Variants in IL1RAP observed in about 807,000 individuals in gnomAD.
IL1RAP encodes interleukin 1 receptor accessory protein, also known as interleukin-1 receptor accessory protein.
Under a neutral mutation model 60.7 loss-of-function variants are expected in IL1RAP, and 35 were observed. The ratio of observed to expected loss-of-function variants is 0.58; its 90% confidence interval spans 0.44 to 0.76. The LOEUF (loss-of-function observed/expected upper bound fraction) is 0.76. Among genes scored for constraint, IL1RAP ranks in the 30% least tolerant of loss-of-function variants. IL1RAP has a pLI of 0.00. For missense variants in IL1RAP, 572 were observed against 693.9 expected (o/e 0.82, Z 1.97); for synonymous variants, 268 against 250.9 (o/e 1.07, Z -0.64).
chr3:190,521,075 G>C lies in IL1RAP; in HGVS notation c.-89+6856G>C, dbSNP rs142409001. ...ACCCATCTTGTCAGGCCTTTGGTAA[G>C]TGTCAATCATATGCCATGACATTTG... On this transcript the variant is annotated intron_variant, in intron 1 of 11. Coordinates refer to ENST00000447382, the MANE Select transcript of IL1RAP (RefSeq NM_002182.4). Among the ~76,000 whole-genome samples the C allele has an allele frequency of 7.7e-3, 1,175 of 152,252 alleles. 12 individuals are homozygous for C. The highest frequency in any genetic ancestry group is 0.027 in the African/African-American group (1,120 of 41,544).
At chr3:190,585,230 C>T (rs557616812) in intron 3 of IL1RAP, among the ~76,000 whole-genome samples, 8 of 152,156 alleles carry the variant, frequency 5.3e-5, no homozygotes, top group Admixed American at 6.5e-5. Context: ...AAAAAGGGGC[C>T]GTGCCAGGCA....
chr3:190,586,577 A>G (rs1027338028), intron 3 of IL1RAP, among the ~76,000 whole-genome samples: 1 of 152,194 alleles, frequency 6.6e-6, no homozygotes, highest in African/African-American at 2.4e-5. Flanking sequence ...ACCTGACTCT[A>G]ATTGTCTACC....
chr3:190,610,695 C>G (rs1001866883), intron 5 of IL1RAP, among the ~76,000 whole-genome samples: 1 of 152,002 alleles, frequency 6.6e-6, no homozygotes, highest in African/African-American at 2.4e-5. Context: ...CAAAAACATG[C>G]AGCAAAATTT....
chr3:190,584,385 G>A (rs1232372331), intron 3 of IL1RAP, among the ~76,000 whole-genome samples: 2 of 152,182 alleles, frequency 1.3e-5, no homozygotes, highest in African/African-American at 4.8e-5. Flanking sequence ...GACTGATATT[G>A]CTAGGTCATA....
In IL1RAP at chr3:190,649,866, G is replaced by C. The variant is rs1734287864; in HGVS notation, c.*1161G>C. The C allele has an allele frequency of 2.4e-5, 24 of 985,162 alleles. No homozygotes were observed. The highest frequency in any genetic ancestry group is 2.9e-5 in the Non-Finnish European group (24 of 829,774). 61.0% of individuals were successfully genotyped at this position (985,162 alleles called of 1,614,324 possible). A position where few individuals can be genotyped will look rare whatever the true frequency, so the allele number is the denominator to read the frequency against. On this transcript the variant is annotated 3_prime_UTR_variant, in exon 12 of 12. Transcript: ENST00000447382. ...TGTTTGTTTTCAGTAATATTTTGCT[G>C]TTTTTAAGACTTGGAAAACTAAGTG...
At chr3:190,546,962 A>G (rs1724429097) in intron 1 of IL1RAP, among the ~76,000 whole-genome samples, 1 of 152,184 alleles carries the variant, frequency 6.6e-6, no homozygotes, top group Non-Finnish European at 1.5e-5. Flanking sequence ...GTCCTCTGTC[A>G]ATATGTTTTT....
intron 7 of IL1RAP, among the ~76,000 whole-genome samples, chr3:190,624,253 A>G (rs996546154): frequency 5.3e-5 from 8 of 152,276 alleles, no homozygotes; most frequent in African/African-American, 4.8e-5. Flanking sequence ...GGAAGATTAC[A>G]TAAAGTTGTT....
intron 3 of IL1RAP, among the ~76,000 whole-genome samples, chr3:190,580,175 T>C (rs185246528): frequency 6.6e-6 from 1 of 152,356 alleles, no homozygotes; most frequent in East Asian, 1.9e-4. Flanking sequence ...AACTGTGCCA[T>C]TGTAAATGTC....
At position 190,623,361 on chromosome 3, in the gene IL1RAP, G is replaced by C; in HGVS notation, c.721G>C (p.Val241Leu). Residue 241 changes from valine to leucine, a missense_variant, in exon 7 of 12, where the codon GTG (valine) becomes CTG (leucine). Val to Leu is a conservative substitution (Grantham distance 32). Transcript: ENST00000447382. ...VKVVGSPKNA[V>L]PPVIHSPNDH... is the part of the protein sequence containing the mutation. ...TAACACAGGCTCTCCAAAAAATGCA[G>C]TGCCCCCTGTGATCCATTCACCTAA... 1 of 1,613,398 alleles carries C rather than the reference G, an allele frequency of 6.2e-7. No individual in the cohort carries two copies. The highest frequency in any genetic ancestry group is 8.5e-7 in the Non-Finnish European group (1 of 1,179,488).
intron 3 of IL1RAP, among the ~76,000 whole-genome samples, chr3:190,589,489 G>T (rs184043360): frequency 1.3e-5 from 2 of 152,086 alleles, no homozygotes; most frequent in Non-Finnish European, 1.5e-5. Context: ...CCGGCGTTTC[G>T]CAGGTGATGC....
intron 5 of IL1RAP, chr3:190,615,402 TAG>T: frequency 1.3e-6 from 1 of 773,374 alleles, no homozygotes; most frequent in African/African-American, 1.8e-5. Flanking sequence ...GAGATTAATT[TAG>T]AGTCTTTGGC....
intron 4 of IL1RAP, among the ~76,000 whole-genome samples, chr3:190,608,597 C>G (rs1365647494): frequency 6.6e-6 from 1 of 152,030 alleles, no homozygotes; most frequent in Admixed American, 6.6e-5. Flanking sequence ...ATATGTTGCC[C>G]TATGACATTA....
At chr3:190,634,847 C>G (rs548923080) in intron 9 of IL1RAP, among the ~76,000 whole-genome samples, 1 of 152,202 alleles carries the variant, frequency 6.6e-6, no homozygotes, top group Non-Finnish European at 1.5e-5. Context: ...TCCCGAGTAG[C>G]TGGGACTACA....
chr3:190,620,513 C>A, intron 6 of IL1RAP, 73 bp downstream of exon 6: 1 of 1,264,232 alleles, frequency 7.9e-7, no homozygotes, highest in Non-Finnish European at 1.1e-6. Flanking sequence ...TAGTTTATTA[C>A]ACACTAGTAT....
At chr3:190,632,366 TC>T (rs1372420661) in intron 9 of IL1RAP, among the ~76,000 whole-genome samples, 1 of 152,238 alleles carries the variant, frequency 6.6e-6, no homozygotes. Context: ...GGACAATTTT[TC>T]ATAGCCTTAT....
intron 1 of IL1RAP, among the ~76,000 whole-genome samples, chr3:190,525,566 A>G (rs1722438431): frequency 6.6e-6 from 1 of 152,166 alleles, no homozygotes; most frequent in African/African-American, 2.4e-5. Context: ...AGTGAAGGAA[A>G]ATGGAAGAAC....
chr3:190,563,877 A>G (rs1368733687), intron 2 of IL1RAP: 1 of 164,668 alleles, frequency 6.1e-6, no homozygotes, highest in East Asian at 1.6e-4. Context: ...AATCCTGGTC[A>G]AAAAATCCAG....
chr3:190,550,336 T>C (rs1724757645), intron 1 of IL1RAP: 1 of 152,208 alleles, frequency 6.6e-6, no homozygotes, highest in Non-Finnish European at 1.5e-5. Flanking sequence ...CAATTTTCTT[T>C]CCTAGGGCTT....
chr3:190,648,609 G>A lies in IL1RAP; in HGVS notation c.1617G>A (p.Trp539Ter). 6.2e-7 allele frequency: 1 copy of A among 1,614,164 alleles called. No individual in the cohort carries two copies. Among genetic ancestry groups the A allele is most frequent in the African/African-American group, 1.3e-5 (1 of 75,040 alleles). Residue 539 changes from tryptophan to a stop codon, truncating the protein, a stop_gained, in exon 12 of 12, where the codon TGG (tryptophan) becomes TGA (stop). Transcript: ENST00000447382. LOFTEE classifies it high-confidence loss of function. ...EKSKYPQGRF[W>*]KQLQVAMPVK... ...CCAAGTATCCACAGGGCAGGTTCTGGAAGCAGCTGCAGGTGGCCATGCCAG... is the reference window on the plus strand; with the variant it reads ...CCAAGTATCCACAGGGCAGGTTCTGAAAGCAGCTGCAGGTGGCCATGCCAG...
Sources: allele counts gnomAD v4.1 joint callset (sites outside exome capture counted in the v4.1 genomes callset), GRCh38; gene constraint gnomAD v4.1.1; transcripts MANE v1.5; gene names NCBI Gene and HGNC (gene_info 2026-07-23, HGNC 2026-07-21).